Variants in KIRREL3 observed in about 807,000 individuals in gnomAD.
KIRREL3 encodes kin of IRRE-like protein 3.
In KIRREL3, 36 loss-of-function variants were observed where a neutral mutation model predicts 89.7. The ratio of observed to expected loss-of-function variants is 0.40; its 90% CI spans 0.31 to 0.53. The LOEUF (loss-of-function observed/expected upper bound fraction) is 0.53, where lower values mean the gene tolerates loss of function less well. Ranked by LOEUF, KIRREL3 falls within the 20% of genes least tolerant of loss-of-function variation. KIRREL3 has a pLI of 0.49. For synonymous variants in KIRREL3, 445 were observed against 441.4 expected (o/e 1.01, Z -0.10); for missense variants, 864 against 1,056.6 (o/e 0.82, Z 2.53).
At position 126,498,780 on chromosome 11, in the gene KIRREL3, C is replaced by G. The variant is rs1048905142; in HGVS notation, c.433+22535G>C. ...CCCTTCTGCACCTAAGGTTGAGTCCCCCTCCCACAGGAGCACCTGCGTGGG... is the reference window on the plus strand; with the variant it reads ...CCCTTCTGCACCTAAGGTTGAGTCCGCCTCCCACAGGAGCACCTGCGTGGG... On this transcript the variant is annotated intron_variant, in intron 4 of 16. Transcript: ENST00000525144. This position sits in a 1 kb window ranked among gnomAD's most constrained non-coding sequence, Gnocchi z 4.3. Among the ~76,000 whole-genome samples the G allele has an allele frequency of 1.3e-5, 2 of 152,194 alleles. No individual in the cohort carries two copies. Among genetic ancestry groups the G allele is most frequent in the Non-Finnish European group, 2.9e-5 (2 of 68,046 alleles).
rs904512234 is a variant in KIRREL3, at chr11:126,931,034, C to T, written c.55+69421G>A. ...ATCCATCTCCCACTCTCACACAGGA[C>T]GAGTGTAGACAGCACCTTCTCTCAG... On this transcript the variant is annotated intron_variant, in intron 1 of 16. Transcript: ENST00000525144. The surrounding 1 kb of genome is among the most constrained non-coding windows in gnomAD (Gnocchi z 5.1). Among the ~76,000 whole-genome samples the T allele has an allele frequency of 7.2e-5, 11 of 152,328 alleles. No individual in the cohort carries two copies. In the East Asian group the frequency reaches 1.9e-3, roughly 27 times the overall value.
At position 126,946,648 on chromosome 11, in the gene KIRREL3, A is replaced by G. The variant is rs916595725; in HGVS notation, c.55+53807T>C. Among the ~76,000 whole-genome samples the G allele has an allele frequency of 1.3e-5, 2 of 152,210 alleles. No homozygotes were observed. The highest frequency in any genetic ancestry group is 2.9e-5 in the Non-Finnish European group (2 of 68,030). ...TCCCAATATCCATAACAGGAAGGAC[A>G]TTACTTCATAATAAGATTAAATGGC... On this transcript the variant is annotated intron_variant, in intron 1 of 16. Transcript: ENST00000525144. This position sits in a 1 kb window ranked among gnomAD's most constrained non-coding sequence, Gnocchi z 4.1.
At chr11:126,743,132 A>G (rs1404120599) in intron 1 of KIRREL3, among the ~76,000 whole-genome samples, 1 of 152,208 alleles carries the variant, frequency 6.6e-6, no homozygotes, top group Non-Finnish European at 1.5e-5. Context: ...TCTTACAGCT[A>G]GGTTGAAATT....
At position 126,689,876 on chromosome 11, in the gene KIRREL3, C is replaced by T. The variant is rs939915294; in HGVS notation, c.56-126964G>A. On this transcript the variant is annotated intron_variant, in intron 1 of 16. Coordinates refer to ENST00000525144, the MANE Select transcript of KIRREL3 (RefSeq NM_032531.4). The surrounding 1 kb of genome is among the most constrained non-coding windows in gnomAD (Gnocchi z 5.2). Reference sequence around the variant, plus strand: ...GTGAATAAATATGGGAAGACATTTGCTATTAACTGCAAATGGCAAGCAGCA... The same window carrying T: ...GTGAATAAATATGGGAAGACATTTGTTATTAACTGCAAATGGCAAGCAGCA... Among the ~76,000 whole-genome samples the T allele has an allele frequency of 2.6e-5, 4 of 152,206 alleles. No individual in the cohort carries two copies. Among genetic ancestry groups the T allele is most frequent in the Non-Finnish European group, 4.4e-5 (3 of 68,042 alleles).
rs1233370004 is a variant in KIRREL3, at chr11:126,969,758, C to T, written c.55+30697G>A. On this transcript the variant is annotated intron_variant, in intron 1 of 16. Transcript: ENST00000525144. This position sits in a 1 kb window ranked among gnomAD's most constrained non-coding sequence, Gnocchi z 4.9. ...GGGACCTGGCTCACTTTTGTAGATCCCTTCAAAGCTGGAGATTGGTGCCTT... is the reference window on the plus strand; with the variant it reads ...GGGACCTGGCTCACTTTTGTAGATCTCTTCAAAGCTGGAGATTGGTGCCTT... 7.2e-5 allele frequency among the ~76,000 whole-genome samples: 11 copies of T among 152,072 alleles called. No homozygotes were observed. The highest frequency in any genetic ancestry group is 2.7e-4 in the African/African-American group (11 of 41,394).
chr11:126,871,157 C>A (rs1193442486), intron 1 of KIRREL3, among the ~76,000 whole-genome samples: 1 of 152,198 alleles, frequency 6.6e-6, no homozygotes, highest in East Asian at 1.9e-4. Flanking sequence ...TCAAAGCATG[C>A]CGAGGACACT....
chr11:126,950,993 A>G (rs938631826), intron 1 of KIRREL3, among the ~76,000 whole-genome samples: 1 of 152,010 alleles, frequency 6.6e-6, no homozygotes, highest in Non-Finnish European at 1.5e-5. Flanking sequence ...TTCTGTTAAG[A>G]AAAAAAACAG....
In KIRREL3 at chr11:126,579,327, T is replaced by C. The variant is rs1303627260; in HGVS notation, c.56-16415A>G. On this transcript the variant is annotated intron_variant, in intron 1 of 16. Transcript: ENST00000525144. This position sits in a 1 kb window ranked among gnomAD's most constrained non-coding sequence, Gnocchi z 5.3. ...TCCAGGGCCAAGGGGTGCAAGCTGC[T>C]CTGTCAGTTATGACTTCCTCGGGTA... Among the ~76,000 whole-genome samples the C allele has an allele frequency of 1.3e-5, 2 of 152,174 alleles. No homozygotes were observed. Among genetic ancestry groups the C allele is most frequent in the South Asian group, 4.1e-4 (2 of 4,826 alleles).
rs1958848236 is a variant in KIRREL3, at chr11:126,528,842, G to T, written c.134-2155C>A. Among the ~76,000 whole-genome samples the T allele has an allele frequency of 6.7e-6, 1 of 148,786 alleles. No individual in the cohort carries two copies. Among genetic ancestry groups the T allele is most frequent in the Admixed American group, 6.7e-5 (1 of 14,932 alleles). On this transcript the variant is annotated intron_variant, in intron 2 of 16. Transcript: ENST00000525144. This position sits in a 1 kb window ranked among gnomAD's most constrained non-coding sequence, Gnocchi z 4.6. The stretch of plus-strand genomic sequence containing the variant: ...AGGAGGAAGCAGGGGAGGAGGGTGA[G>T]GGGCAGCATGGAGAGGGAGGGGGTG...
intron 1 of KIRREL3, among the ~76,000 whole-genome samples, chr11:126,921,220 C>A (rs1947262185): frequency 6.6e-6 from 1 of 152,164 alleles, no homozygotes; most frequent in African/African-American, 2.4e-5. Context: ...AGATCTCAGG[C>A]CTTCAGAGAG....
At chr11:126,602,174 T>C (rs1942689486) in intron 1 of KIRREL3, among the ~76,000 whole-genome samples, 1 of 152,178 alleles carries the variant, frequency 6.6e-6, no homozygotes, top group Non-Finnish European at 1.5e-5. Context: ...TTTTGCCTTT[T>C]GATGAAAGCC....
intron 11 of KIRREL3, chr11:126,440,177 T>G: frequency 1.5e-6 from 1 of 668,118 alleles, no homozygotes; most frequent in Non-Finnish European, 2.7e-6. Flanking sequence ...TGTGCCCCTC[T>G]GCCCTTAGGA....
rs1295764880 is a variant in KIRREL3, at chr11:126,655,027, AG to A, written c.56-92116del. On this transcript the variant is annotated intron_variant, in intron 1 of 16. Coordinates refer to ENST00000525144, the MANE Select transcript of KIRREL3 (RefSeq NM_032531.4). This position sits in a 1 kb window ranked among gnomAD's most constrained non-coding sequence, Gnocchi z 5.0. ...AAGGAAGACACCGAAAGATGTTCCT[AG>A]CTGGCACAGGCTGTGCTGAACACAG... Among the ~76,000 whole-genome samples, 1 of 152,198 alleles carries A rather than the reference AG, an allele frequency of 6.6e-6. No homozygotes were observed. Among genetic ancestry groups the A allele is most frequent in the Admixed American group, 6.5e-5 (1 of 15,286 alleles).
intron 7 of KIRREL3, among the ~76,000 whole-genome samples, chr11:126,451,163 G>A (rs1040793392): frequency 1.3e-5 from 2 of 151,502 alleles, no homozygotes; most frequent in African/African-American, 4.9e-5. Flanking sequence ...GTGGGCACGT[G>A]TGAATGTGTA....
At chr11:126,452,841 C>G (rs1956223749) in intron 7 of KIRREL3, among the ~76,000 whole-genome samples, 1 of 152,202 alleles carries the variant, frequency 6.6e-6, no homozygotes, top group African/African-American at 2.4e-5. Flanking sequence ...CAGCTCACAT[C>G]TCGCCCAGCC....
In KIRREL3 at chr11:126,424,992, G is replaced by A; in HGVS notation, c.1925C>T (p.Thr642Ile). ...DPTNGYYSVNTFKEHHSTPTI... is the reference protein window; with the variant it reads ...DPTNGYYSVNIFKEHHSTPTI... ...CGGGGTTGAGTGGTGCTCTTTGAAG[G>A]TGTTGACGCTGTAGTAGCCATTGGT... Residue 642 changes from threonine to isoleucine, a missense_variant, in exon 17 of 17, where the codon ACC becomes ATC. Thr to Ile is a moderately conservative substitution (Grantham distance 89, BLOSUM62 -1). Transcript: ENST00000525144. 1 of 1,559,198 alleles carries A rather than the reference G, an allele frequency of 6.4e-7. No individual in the cohort carries two copies. Among genetic ancestry groups the A allele is most frequent in the African/African-American group, 1.4e-5 (1 of 73,908 alleles).
rs1947488628 is a variant in KIRREL3 at position 126,923,211 on chromosome 11, T to C, written c.55+77244A>G. Among the ~76,000 whole-genome samples the C allele has an allele frequency of 1.1e-3, 18 of 16,240 alleles. 4 individuals are homozygous for C. The highest frequency in any genetic ancestry group is 2.1e-3 in the Non-Finnish European group (18 of 8,698). The allele number at this position is 16,240 out of a possible 152,430, so 10.7% of individuals were successfully genotyped here. On this transcript the variant is annotated intron_variant, in intron 1 of 16. Coordinates refer to ENST00000525144, the MANE Select transcript of KIRREL3 (RefSeq NM_032531.4). ...TCTCTTCTTCTTCTTCTTCTTCTTC[T>C]TCTTCTTCTTCTTCTTCTTCTTCTT... is the stretch of plus-strand genomic sequence containing the variant.
intron 4 of KIRREL3, among the ~76,000 whole-genome samples, chr11:126,506,400 A>G (rs1180537558): frequency 6.6e-6 from 1 of 152,262 alleles, no homozygotes; most frequent in East Asian, 1.9e-4. Flanking sequence ...CTCCTATAAC[A>G]TAGTAAGACA....
rs1319912883 is a variant in KIRREL3, at chr11:126,531,590, A to G, written c.134-4903T>C. Among the ~76,000 whole-genome samples the G allele has an allele frequency of 1.4e-5, 2 of 139,124 alleles. No individual in the cohort carries two copies. Among genetic ancestry groups the G allele is most frequent in the Non-Finnish European group, 3.1e-5 (2 of 64,922 alleles). The allele number at this position is 139,124 out of a possible 152,430, so 91.3% of individuals were successfully genotyped here. A position where few individuals can be genotyped will look rare whatever the true frequency, so the allele number is the denominator to read the frequency against. ...GCTCCCCCACCCAAGGCCCCCCCTA[A>G]GCAACCCCACCTATCATTGAAGGCC... On this transcript the variant is annotated intron_variant, in intron 2 of 16. Coordinates refer to ENST00000525144, the MANE Select transcript of KIRREL3 (RefSeq NM_032531.4). This position sits in a 1 kb window ranked among gnomAD's most constrained non-coding sequence, Gnocchi z 4.7.
Sources: gnomAD v4.1 joint callset for allele counts (sites outside exome capture counted in the v4.1 genomes callset) on GRCh38, gnomAD v4.1.1 for gene constraint, Gnocchi (gnomAD v3.1) non-coding constraint, MANE v1.5 for transcripts, NCBI Gene and HGNC (gene_info 2026-07-23, HGNC 2026-07-21) for gene names.